The following UBE2D4 variants were observed in gnomAD, a reference collection of about 807,000 sequenced individuals.
UBE2D4 encodes ubiquitin-conjugating enzyme E2 D4.
A neutral mutation model predicts 23.0 loss-of-function variants in UBE2D4; 17 were observed. The observed-to-expected ratio is 0.74, with a 90% CI of 0.51 to 1.11. The LOEUF is 1.11. UBE2D4 is among the 50% of genes least tolerant of loss of function. The pLI, the probability that UBE2D4 is intolerant of heterozygous loss-of-function variation, is 0.00. For missense variants in UBE2D4, 139 were observed against 181.8 expected (o/e 0.76, Z 1.35); for synonymous variants, 61 against 69.4 (o/e 0.88, Z 0.60).
At chr7:43,931,060 G>T (rs1294552184) in intron 1 of UBE2D4, among the ~76,000 whole-genome samples, 1 of 151,060 alleles carries the variant, frequency 6.6e-6, no homozygotes, top group Non-Finnish European at 1.5e-5. Context: ...GGAGGCAGAG[G>T]TTTCAGTGAG....
chr7:43,931,149 C>G (rs942650971), intron 1 of UBE2D4, among the ~76,000 whole-genome samples: 1 of 150,450 alleles, frequency 6.6e-6, no homozygotes, highest in Admixed American at 6.6e-5. Flanking sequence ...AAAAGAAATA[C>G]CTGAAGGCTG....
At chr7:43,939,536 A>AG (rs1054419373) in intron 2 of UBE2D4, among the ~76,000 whole-genome samples, 1 of 152,126 alleles carries the variant, frequency 6.6e-6, no homozygotes, top group Admixed American at 6.6e-5. Context: ...ATAGGTGGGG[A>AG]GGGGAGATAC....
intron 1 of UBE2D4, among the ~76,000 whole-genome samples, chr7:43,935,129 T>G (rs2132760625): frequency 6.6e-6 from 1 of 152,326 alleles, no homozygotes; most frequent in East Asian, 1.9e-4. Context: ...TTATATGTCT[T>G]TTTATGTACA....
intron 4 of UBE2D4, among the ~76,000 whole-genome samples, chr7:43,945,231 GA>G (rs2095983217): frequency 6.6e-6 from 1 of 152,176 alleles, no homozygotes; most frequent in Non-Finnish European, 1.5e-5. Context: ...GACCTCAGGT[GA>G]TCCGCCCACC....
chr7:43,948,945 G>A, intron 5 of UBE2D4: 2 of 553,048 alleles, frequency 3.6e-6, no homozygotes, highest in Non-Finnish European at 6.5e-6. Flanking sequence ...GCGCTTCTCA[G>A]CAGTCAATTG....
At position 43,938,461 on chromosome 7, in the gene UBE2D4, G is replaced by A. The variant is rs774810772; in HGVS notation, c.55G>A (p.Ala19Thr). ...ELTDLQRDPP[A>T]QCSAGPVGDD... is the part of the protein sequence containing the mutation. ...AACCGACTTGCAGAGGGATCCTCCTGCCCAGTGTTCTGCAGGACCTGTCGG... is the reference window on the plus strand; with the variant it reads ...AACCGACTTGCAGAGGGATCCTCCTACCCAGTGTTCTGCAGGACCTGTCGG... Residue 19 changes from alanine (A) to threonine (T), a missense_variant, in exon 2 of 7, where the codon GCC becomes ACC. Coordinates refer to ENST00000222402, the MANE Select transcript of UBE2D4 (RefSeq NM_015983.4). The A allele has an allele frequency of 1.4e-5, 22 of 1,613,976 alleles. No homozygotes were observed. The highest frequency in any genetic ancestry group is 1.9e-5 in the Non-Finnish European group (22 of 1,179,996).
intron 5 of UBE2D4, 183 bp downstream of exon 5, chr7:43,948,920 G>A: frequency 1.8e-6 from 1 of 566,520 alleles, no homozygotes; most frequent in Non-Finnish European, 3.2e-6. Context: ...GCAGAACTTT[G>A]TGCCCCGCTC....
In UBE2D4 at chr7:43,954,759, T is replaced by C. The variant is rs1160388314; in HGVS notation, c.*2064T>C. 2.0e-5 allele frequency: 3 copies of C among 152,182 alleles called. No individual in the cohort carries two copies. The highest frequency in any genetic ancestry group is 7.2e-5 in the African/African-American group (3 of 41,438). 9.4% of individuals were successfully genotyped at this position (152,182 alleles called of 1,614,324 possible). A position where few individuals can be genotyped will look rare whatever the true frequency, so the allele number is the denominator to read the frequency against. Reference sequence around the variant, plus strand: ...TGCTTCAGGCAGTTGTCACACTGCATCTACAGCCAAGCATCACAGAAACAC... The same window carrying C: ...TGCTTCAGGCAGTTGTCACACTGCACCTACAGCCAAGCATCACAGAAACAC... On this transcript the variant is annotated 3_prime_UTR_variant, in exon 7 of 7. Transcript: ENST00000222402.
Position 43,954,809 on chromosome 7 carries a change from G to A in UBE2D4, c.*2114G>A, listed in dbSNP as rs749952582. On this transcript the variant is annotated 3_prime_UTR_variant, in exon 7 of 7. Coordinates refer to ENST00000222402, the MANE Select transcript of UBE2D4 (RefSeq NM_015983.4). ...CTTCACTCATGTGGTCAGGGAAGGTGGGACTGATTCACATGTTAGAGACAG... is the reference window on the plus strand; with the variant it reads ...CTTCACTCATGTGGTCAGGGAAGGTAGGACTGATTCACATGTTAGAGACAG... The A allele has an allele frequency of 6.6e-6, 1 of 152,152 alleles. No homozygotes were observed. Among genetic ancestry groups the A allele is most frequent in the Non-Finnish European group, 1.5e-5 (1 of 68,036 alleles). The allele number at this position is 152,152 out of a possible 1,614,324, so 9.4% of individuals were successfully genotyped here. A position where few individuals can be genotyped will look rare whatever the true frequency, so the allele number is the denominator to read the frequency against.
intron 2 of UBE2D4, among the ~76,000 whole-genome samples, chr7:43,940,100 C>T (rs1172502769): frequency 1.3e-5 from 2 of 152,178 alleles, no homozygotes; most frequent in South Asian, 4.1e-4. Flanking sequence ...CCTGCATGTC[C>T]TGGGAGGGGA....
In UBE2D4 at chr7:43,943,029, A is replaced by G. The variant is rs1006852294; in HGVS notation, c.196A>G (p.Lys66Glu). ...FPTDYPFKPP[K>E]VAFTTKIYHP... ...TACAGATTACCCGTTCAAGCCCCCA[A>G]AGGTGAGGTCCCTCTCCCAACTCCC... Residue 66 changes from lysine to glutamate, a missense_variant and splice_region_variant, in exon 4 of 7, where the codon AAG becomes GAG. Physicochemically the swap from Lys to Glu is moderately conservative, Grantham distance 56. Coordinates refer to ENST00000222402, the MANE Select transcript of UBE2D4 (RefSeq NM_015983.4). 1 of 1,613,916 alleles carries G rather than the reference A, an allele frequency of 6.2e-7. No homozygotes were observed. The highest frequency in any genetic ancestry group is 8.5e-7 in the Non-Finnish European group (1 of 1,179,954).
chr7:43,927,446 G>A (rs2132744231), intron 1 of UBE2D4, among the ~76,000 whole-genome samples: 1 of 151,990 alleles, frequency 6.6e-6, no homozygotes, highest in Admixed American at 6.6e-5. Flanking sequence ...CTGGGTAGCT[G>A]GGACTACATG....
At chr7:43,951,801 G>A (rs899641635) in intron 6 of UBE2D4, 13 of 152,146 alleles carry the variant, frequency 8.5e-5, no homozygotes, top group African/African-American at 2.9e-4. Context: ...GGGATTATAG[G>A]CGTGAGCCAC....
intron 1 of UBE2D4, among the ~76,000 whole-genome samples, chr7:43,934,863 G>T (rs796539814): frequency 8.9e-4 from 135 of 152,148 alleles, no homozygotes; most frequent in African/African-American, 3.1e-3. Flanking sequence ...ATGCATAACT[G>T]CTCTAGAGCA....
At chr7:43,943,396 A>C in intron 4 of UBE2D4, 1 of 334,240 alleles carries the variant, frequency 3.0e-6, no homozygotes, top group Non-Finnish European at 5.6e-6. Context: ...CCCCAGGGAC[A>C]TTTGAGCAAC....
chr7:43,952,913 T>G lies in UBE2D4; in HGVS notation c.*218T>G. 1 of 507,284 alleles carries G rather than the reference T, an allele frequency of 2.0e-6. No individual in the cohort carries two copies. Among genetic ancestry groups the G allele is most frequent in the South Asian group, 1.9e-5 (1 of 51,412 alleles). 31.4% of individuals were successfully genotyped at this position (507,284 alleles called of 1,614,324 possible). Reference sequence around the variant, plus strand: ...TCTTTGATGCCAAATCAGCAACCATTGTTGTTATGATCTGCAGTCTTCCTG... The same window carrying G: ...TCTTTGATGCCAAATCAGCAACCATGGTTGTTATGATCTGCAGTCTTCCTG... On this transcript the variant is annotated 3_prime_UTR_variant, in exon 7 of 7. Coordinates refer to ENST00000222402, the MANE Select transcript of UBE2D4 (RefSeq NM_015983.4).
intron 4 of UBE2D4, chr7:43,943,389 C>G: frequency 2.8e-6 from 1 of 353,006 alleles, no homozygotes; most frequent in Non-Finnish European, 5.2e-6. Flanking sequence ...GCTACTGCCC[C>G]AGGGACATTT....
At chr7:43,938,309 A>G (rs2095962954) in intron 1 of UBE2D4, 122 bp from the exon 2 acceptor site, 2 of 873,840 alleles carry the variant, frequency 2.3e-6, no homozygotes, top group Admixed American at 3.5e-5. Flanking sequence ...CATGTCTCTA[A>G]CCCCCTCCTG....
intron 1 of UBE2D4, among the ~76,000 whole-genome samples, chr7:43,928,860 A>G (rs1053348196): frequency 3.5e-4 from 53 of 152,216 alleles, no homozygotes; most frequent in African/African-American, 1.2e-3. Context: ...GTTTGAGCCT[A>G]CATATTCAAA....
Sources: allele counts gnomAD v4.1 joint callset (sites outside exome capture counted in the v4.1 genomes callset), GRCh38; gene constraint gnomAD v4.1.1; transcripts MANE v1.5; gene names NCBI Gene and HGNC (gene_info 2026-07-23, HGNC 2026-07-21).